The following TMEM255B variants were observed in gnomAD, a reference collection of about 807,000 sequenced individuals.
TMEM255B encodes transmembrane protein 255B.
Under a neutral mutation model 34.5 loss-of-function variants are expected in TMEM255B, and 35 were observed. The ratio of observed to expected loss-of-function variants is 1.01; its 90% CI spans 0.77 to 1.34. The LOEUF is 1.34. Among genes scored for constraint, TMEM255B ranks in the 40% most tolerant of loss-of-function variants. TMEM255B has a pLI of 0.00. For synonymous variants in TMEM255B, 206 were observed against 201.2 expected (o/e 1.02, Z -0.20); for missense variants, 432 against 433.2 (o/e 1.00, Z 0.02).
At chr13:113,779,367 C>A (rs549162410) in intron 3 of TMEM255B, among the ~76,000 whole-genome samples, 5 of 152,256 alleles carry the variant, frequency 3.3e-5, no homozygotes, top group African/African-American at 1.2e-4. Context: ...GTGGTCCTTA[C>A]GGGGCACTGA....
intron 7 of TMEM255B, 47 bp from the exon 8 acceptor site, chr13:113,804,838 C>G: frequency 6.5e-7 from 1 of 1,532,928 alleles, no homozygotes; most frequent in Admixed American, 1.9e-5. Flanking sequence ...CAGCCCTTCC[C>G]TCCACTAGGG....
intron 3 of TMEM255B, among the ~76,000 whole-genome samples, chr13:113,776,044 C>T (rs936623739): frequency 2.6e-5 from 4 of 152,186 alleles, no homozygotes; most frequent in Non-Finnish European, 1.5e-5. Flanking sequence ...TGGGACCTGC[C>T]CAGGACACCA....
At chr13:113,795,780 CAACAG>C (rs1256076434) in intron 4 of TMEM255B, among the ~76,000 whole-genome samples, 1 of 127,006 alleles carries the variant, frequency 7.9e-6, no homozygotes, top group Non-Finnish European at 1.6e-5. Context: ...AGCACACACA[CAACAG>C]AGCACACAGC....
At chr13:113,811,119 GCTC>G (rs1333232988) in intron 8 of TMEM255B, among the ~76,000 whole-genome samples, 4 of 151,000 alleles carry the variant, frequency 2.6e-5, no homozygotes, top group Non-Finnish European at 5.9e-5. Context: ...GGCTGGGGCT[GCTC>G]CTTCTGGTGG....
intron 8 of TMEM255B, among the ~76,000 whole-genome samples, chr13:113,809,184 G>C (rs2051251672): frequency 7.6e-6 from 1 of 131,036 alleles, no homozygotes; most frequent in African/African-American, 2.9e-5. Context: ...GTTCCTGGAT[G>C]TTTACTCCAT....
chr13:113,766,441 A>G (rs772161826), intron 2 of TMEM255B, 184 bp downstream of exon 2: 24 of 864,234 alleles, frequency 2.8e-5, no homozygotes, highest in Admixed American at 8.0e-5. Flanking sequence ...GACCTGGGAC[A>G]GTGGCAGGTC....
chr13:113,797,516 C>G lies in TMEM255B; in HGVS notation c.343-1823C>G, dbSNP rs1035809174. Among the ~76,000 whole-genome samples, 5 of 152,238 alleles carry G rather than the reference C, an allele frequency of 3.3e-5. No individual in the cohort carries two copies. In the South Asian group the frequency reaches 1.0e-3, roughly 31 times the overall value. On this transcript the variant is annotated intron_variant, in intron 4 of 8. Transcript: ENST00000375353. ...GTGGGGTTGGGGTGCACTGCCCTCT[C>G]TCCAGGAAGGAGCCTCTGTCCCCTT...
chr13:113,800,112 G>A (rs2051017955), intron 5 of TMEM255B: 2 of 1,159,830 alleles, frequency 1.7e-6, no homozygotes, highest in Non-Finnish European at 2.2e-6. Flanking sequence ...GGGTAGGCAG[G>A]AGGCGTCCCG....
chr13:113,815,204 C>T lies in TMEM255B; in HGVS notation c.*3301C>T, dbSNP rs1200160839. 6.6e-6 allele frequency: 1 copy of T among 152,162 alleles called. No individual in the cohort carries two copies. The highest frequency in any genetic ancestry group is 2.4e-5 in the African/African-American group (1 of 41,386). The allele number at this position is 152,162 out of a possible 1,614,324, so 9.4% of individuals were successfully genotyped here. The stretch of plus-strand genomic sequence containing the variant: ...AGGCAACTACTGAGTGGGGGAGGGA[C>T]ACAGTCCGTCCACATGGGGCCAACG... On this transcript the variant is annotated 3_prime_UTR_variant, in exon 9 of 9. Transcript: ENST00000375353.
chr13:113,811,808 A>G lies in TMEM255B; in HGVS notation c.886A>G (p.Ser296Gly), dbSNP rs779066228. Residue 296 changes from serine (S) to glycine (G), a missense_variant, in exon 9 of 9, where the codon AGC becomes GGC. Coordinates refer to ENST00000375353, the MANE Select transcript of TMEM255B (RefSeq NM_182614.4). Reference sequence around the variant, plus strand: ...TGAGGACCTGCAGCCCCCTTCTCCAAGCAGCTCTGGCTCTGGGCTTCCCGG... The same window carrying G: ...TGAGGACCTGCAGCCCCCTTCTCCAGGCAGCTCTGGCTCTGGGCTTCCCGG... ...SSEDLQPPSP[S>G]SSGSGLPGQA... The G allele has an allele frequency of 3.1e-6, 5 of 1,613,666 alleles. No homozygotes were observed. The East Asian group carries it at 8.9e-5, about 29-fold the overall frequency.
At position 113,769,101 on chromosome 13, in the gene TMEM255B, G is replaced by A. The variant is rs750810658; in HGVS notation, c.193G>A (p.Gly65Ser). The A allele has an allele frequency of 7.4e-6, 12 of 1,614,016 alleles. No individual in the cohort carries two copies. Among genetic ancestry groups the A allele is most frequent in the East Asian group, 2.2e-5 (1 of 44,898 alleles). ...CTCGTTCTTCCTTTGGTTTTAGCTC[G>A]GCTTTGGATCTTTCTTAGGAATTAT... The part of the protein sequence containing the change: ...VGGYYPGIIL[G>S]FGSFLGIIGI... Residue 65 changes from glycine to serine, a missense_variant, in exon 3 of 9, where the codon GGC (glycine) becomes AGC (serine). Coordinates refer to ENST00000375353, the MANE Select transcript of TMEM255B (RefSeq NM_182614.4). This position sits in a 1 kb window ranked among gnomAD's most constrained non-coding sequence, Gnocchi z 4.2.
At position 113,779,772 on chromosome 13, in the gene TMEM255B, C is replaced by T. The variant is rs138806689; in HGVS notation, c.252+10612C>T. 6.6e-3 allele frequency among the ~76,000 whole-genome samples: 1,005 copies of T among 152,098 alleles called. 11 individuals are homozygous for T. Among genetic ancestry groups the T allele is most frequent in the African/African-American group, 0.022 (907 of 41,470 alleles). On this transcript the variant is annotated intron_variant, in intron 3 of 8. Coordinates refer to ENST00000375353, the MANE Select transcript of TMEM255B (RefSeq NM_182614.4). ...AAAACATTATTTTGGAGACTCGTAG[C>T]CAGAAAAATTAGAATTTAATCTAAA...
intron 3 of TMEM255B, among the ~76,000 whole-genome samples, chr13:113,779,648 C>T (rs1209738788): frequency 1.3e-5 from 2 of 152,124 alleles, no homozygotes; most frequent in Non-Finnish European, 2.9e-5. Context: ...GAGGGAGCGT[C>T]TGCTGATACA....
intron 1 of TMEM255B, among the ~76,000 whole-genome samples, chr13:113,765,506 G>A (rs1239111995): frequency 6.6e-6 from 1 of 152,236 alleles, no homozygotes; most frequent in Admixed American, 6.5e-5. Context: ...ACACACAAAT[G>A]TTGATTTTCA....
At chr13:113,804,132 C>T (rs983197469) in intron 7 of TMEM255B, among the ~76,000 whole-genome samples, 6 of 152,184 alleles carry the variant, frequency 3.9e-5, no homozygotes, top group East Asian at 1.9e-4. Flanking sequence ...GTTTCTGGCC[C>T]GGGGAAGCCC....
chr13:113,807,415 ATGTGGGGGG>A (rs2051197669), intron 8 of TMEM255B, among the ~76,000 whole-genome samples: 1 of 122,768 alleles, frequency 8.1e-6, no homozygotes, highest in Non-Finnish European at 1.6e-5. Context: ...GGCTTACGGG[ATGTGGGGGG>A]TGGTCCTCCC....
rs180715289 is a variant in TMEM255B, at chr13:113,792,802, G to A, written c.253-2346G>A. Among the ~76,000 whole-genome samples the A allele has an allele frequency of 4.2e-4, 64 of 152,382 alleles. No homozygotes were observed. In the Middle Eastern group the frequency reaches 0.01, roughly 24 times the overall value. Reference sequence around the variant, plus strand: ...TTTGGTTCAGACCCAGGCTAATGCAGCCATGGTTTTCTGCACAGCTTTCTT... The same window carrying A: ...TTTGGTTCAGACCCAGGCTAATGCAACCATGGTTTTCTGCACAGCTTTCTT... On this transcript the variant is annotated intron_variant, in intron 3 of 8. Transcript: ENST00000375353.
At chr13:113,781,206 C>T (rs2050661638) in intron 3 of TMEM255B, among the ~76,000 whole-genome samples, 1 of 152,164 alleles carries the variant, frequency 6.6e-6, no homozygotes, top group Non-Finnish European at 1.5e-5. Flanking sequence ...AAAGAGCAGG[C>T]TAGTGCTCTA....
Position 113,801,003 on chromosome 13 carries a change from C to T in TMEM255B, c.509+91C>T, listed in dbSNP as rs1483535980. ...ATCTACACCTGCGGGAGGTGAGGGGCGCTGGGGACCCCTATATCTACACCT... is the reference window on the plus strand; with the variant it reads ...ATCTACACCTGCGGGAGGTGAGGGGTGCTGGGGACCCCTATATCTACACCT... On this transcript the variant is annotated intron_variant, in intron 6 of 8. Coordinates refer to ENST00000375353, the MANE Select transcript of TMEM255B (RefSeq NM_182614.4). 9.0e-5 allele frequency: 113 copies of T among 1,255,354 alleles called. 2 individuals are homozygous for T. Among genetic ancestry groups the T allele is most frequent in the South Asian group, 1.0e-4 (7 of 69,902 alleles). 77.8% of individuals were successfully genotyped at this position (1,255,354 alleles called of 1,614,324 possible). A position where few individuals can be genotyped will look rare whatever the true frequency, so the allele number is the denominator to read the frequency against.
Sources: gnomAD v4.1 joint callset for allele counts (sites outside exome capture counted in the v4.1 genomes callset) on GRCh38, gnomAD v4.1.1 for gene constraint, Gnocchi (gnomAD v3.1) non-coding constraint, MANE v1.5 for transcripts, NCBI Gene and HGNC (gene_info 2026-07-23, HGNC 2026-07-21) for gene names.